Variants in CNTN4 observed in about 807,000 individuals in gnomAD.
CNTN4 encodes contactin-4.
A neutral mutation model predicts 122.5 loss-of-function variants in CNTN4; 77 were observed. The ratio of observed to expected loss-of-function variants is 0.63; its 90% CI spans 0.52 to 0.76. The LOEUF (loss-of-function observed/expected upper bound fraction) is 0.76, where lower values mean the gene tolerates loss of function less well. Among genes scored for constraint, CNTN4 ranks in the 30% least tolerant of loss-of-function variants. The pLI, the probability that CNTN4 is intolerant of heterozygous loss-of-function variation, is 0.00. For synonymous variants in CNTN4, 512 were observed against 447.0 expected (o/e 1.15, Z -1.83); for missense variants, 1,256 against 1,259.1 (o/e 1.00, Z 0.04).
At chr3:2,934,245 T>A (rs1039751820) in intron 13 of CNTN4, among the ~76,000 whole-genome samples, 9 of 152,238 alleles carry the variant, frequency 5.9e-5, no homozygotes, top group African/African-American at 2.2e-4. Context: ...TAGGTCTGCC[T>A]GACCCCTGCA....
chr3:2,646,426 C>T (rs969584276), intron 4 of CNTN4, among the ~76,000 whole-genome samples: 5 of 152,080 alleles, frequency 3.3e-5, no homozygotes, highest in South Asian at 2.1e-4. Context: ...GTGTGTAATT[C>T]GGGAATAATA....
intron 2 of CNTN4, among the ~76,000 whole-genome samples, chr3:2,328,275 G>A (rs76086072): frequency 0.27 from 38,969 of 143,650 alleles, 5,612 homozygotes; most frequent in Middle Eastern, 0.38. Flanking sequence ...GCGTGGTGGC[G>A]GGCGCCTGTA....
intron 4 of CNTN4, among the ~76,000 whole-genome samples, chr3:2,710,513 T>G (rs2149334129): frequency 6.6e-6 from 1 of 152,332 alleles, no homozygotes; most frequent in East Asian, 1.9e-4. Flanking sequence ...CTGCATTGAC[T>G]AAGGAAACTA....
chr3:2,459,089 A>C (rs545650199), intron 3 of CNTN4, among the ~76,000 whole-genome samples: 1 of 152,274 alleles, frequency 6.6e-6, no homozygotes, highest in African/African-American at 2.4e-5. Flanking sequence ...TGTGGTTATG[A>C]AAATTATAGA....
At chr3:2,994,967 A>G (rs1695399345) in intron 14 of CNTN4, among the ~76,000 whole-genome samples, 1 of 152,184 alleles carries the variant, frequency 6.6e-6, no homozygotes, top group Admixed American at 6.5e-5. Context: ...GATATCTTCC[A>G]CTGGAACCAA....
At chr3:2,196,075 T>C (rs1228470748) in intron 2 of CNTN4, among the ~76,000 whole-genome samples, 1 of 152,236 alleles carries the variant, frequency 6.6e-6, no homozygotes, top group Non-Finnish European at 1.5e-5. Context: ...CCATGGTATC[T>C]ATGCTTAATG....
intron 4 of CNTN4, among the ~76,000 whole-genome samples, chr3:2,729,071 TATTG>T (rs1559437133): frequency 3.3e-5 from 5 of 152,318 alleles, no homozygotes; most frequent in African/African-American, 1.2e-4. Context: ...GAAATCATAA[TATTG>T]CATTTTTGTT....
At chr3:3,050,899 G>A (rs567564782) in intron 23 of CNTN4, among the ~76,000 whole-genome samples, 13 of 152,002 alleles carry the variant, frequency 8.6e-5, no homozygotes, top group East Asian at 3.9e-4. Context: ...TTTGAAATCA[G>A]AATAATAACA....
intron 13 of CNTN4, among the ~76,000 whole-genome samples, chr3:2,948,960 C>T (rs1250443053): frequency 6.6e-6 from 1 of 152,054 alleles, no homozygotes; most frequent in East Asian, 1.9e-4. Flanking sequence ...TCAGCCCTTC[C>T]AGTGACTTCC....
intron 2 of CNTN4, among the ~76,000 whole-genome samples, chr3:2,244,839 G>A (rs2040080992): frequency 6.6e-6 from 1 of 151,982 alleles, no homozygotes; most frequent in Non-Finnish European, 1.5e-5. Flanking sequence ...AAGGGCTTGT[G>A]CTCTGAATCT....
intron 20 of CNTN4, among the ~76,000 whole-genome samples, chr3:3,040,613 G>T (rs2125766932): frequency 6.6e-6 from 1 of 152,200 alleles, no homozygotes; most frequent in South Asian, 2.1e-4. Context: ...AATATAATTT[G>T]CATTTTCTTA....
chr3:2,969,973 C>T (rs1408006150), intron 13 of CNTN4, among the ~76,000 whole-genome samples: 1 of 152,080 alleles, frequency 6.6e-6, no homozygotes, highest in Non-Finnish European at 1.5e-5. Flanking sequence ...ACAGTTGACC[C>T]TTGAACAACT....
At chr3:2,768,563 C>T (rs551647312) in intron 6 of CNTN4, among the ~76,000 whole-genome samples, 8 of 152,270 alleles carry the variant, frequency 5.3e-5, no homozygotes, top group African/African-American at 1.7e-4. Context: ...CTCCAGCCAC[C>T]TCCACAGCAG....
At chr3:2,104,550 A>G (rs2032275682) in intron 2 of CNTN4, among the ~76,000 whole-genome samples, 1 of 152,134 alleles carries the variant, frequency 6.6e-6, no homozygotes, top group African/African-American at 2.4e-5. Context: ...AGTCCTCATC[A>G]TTCAGTCAAG....
At chr3:2,229,852 T>TAACAATCAAG (rs1463343853) in intron 2 of CNTN4, among the ~76,000 whole-genome samples, 1 of 152,204 alleles carries the variant, frequency 6.6e-6, no homozygotes, top group African/African-American at 2.4e-5. Flanking sequence ...TAGTTGAGCT[T>TAACAATCAAG]AACAATCAAG....
At chr3:2,892,215 G>T (rs73114616) in intron 10 of CNTN4, 1 of 152,170 alleles carries the variant, frequency 6.6e-6, no homozygotes, top group African/African-American at 2.4e-5. Context: ...TCTGGGTCTC[G>T]TTCTATGTTC....
chr3:2,802,338 C>A (rs922188645), intron 6 of CNTN4, among the ~76,000 whole-genome samples: 1 of 152,202 alleles, frequency 6.6e-6, no homozygotes, highest in African/African-American at 2.4e-5. Flanking sequence ...TCTGCCTTCT[C>A]GTTTGAGCTC....
intron 4 of CNTN4, among the ~76,000 whole-genome samples, chr3:2,629,731 C>T (rs1489377074): frequency 6.6e-6 from 1 of 152,176 alleles, no homozygotes; most frequent in Non-Finnish European, 1.5e-5. Context: ...CTGTATAATA[C>T]GTGGTGCCTG....
intron 2 of CNTN4, among the ~76,000 whole-genome samples, chr3:2,328,339 G>A (rs1559457096): frequency 1.3e-5 from 2 of 150,842 alleles, no homozygotes; most frequent in Admixed American, 1.3e-4. Flanking sequence ...CCGGGAGGCG[G>A]AGCTTGCGGT....
Sources: allele counts gnomAD v4.1 joint callset (sites outside exome capture counted in the v4.1 genomes callset), GRCh38; gene constraint gnomAD v4.1.1; transcripts MANE v1.5; gene names NCBI Gene and HGNC (gene_info 2026-07-23, HGNC 2026-07-21).